Variants in NPHP4 observed in about 807,000 individuals in gnomAD.
NPHP4 encodes the protein nephrocystin 4.
A neutral mutation model predicts 155.8 loss-of-function variants in NPHP4; 151 were observed. The ratio of observed to expected loss-of-function variants is 0.97; its 90% CI spans 0.85 to 1.11. NPHP4 has a LOEUF of 1.11. NPHP4 is among the 50% of genes least tolerant of loss of function. The probability of loss-of-function intolerance (pLI) is 0.00; values close to 1 mark genes in which losing one functional copy is unlikely to be tolerated. For missense variants in NPHP4, 1,956 were observed against 1,925.7 expected (o/e 1.02, Z -0.29); for synonymous variants, 845 against 816.8 (o/e 1.03, Z -0.59).
At chr1:5,879,203 G>A in intron 19 of NPHP4, 1 of 226,800 alleles carries the variant, frequency 4.4e-6, no homozygotes, top group East Asian at 1.2e-4. Context: ...ACAGCTCCAA[G>A]GCCCAGCAAC....
At chr1:5,919,450 AT>A (rs1645629272) in intron 11 of NPHP4, among the ~76,000 whole-genome samples, 1 of 152,126 alleles carries the variant, frequency 6.6e-6, no homozygotes, top group South Asian at 2.1e-4. Context: ...TACCTCACGT[AT>A]TTGGTAGTTT....
rs575908813 is a variant in NPHP4 at position 5,864,939 on chromosome 1, C to T, written c.3816+163G>A. 3.2e-5 allele frequency: 21 copies of T among 663,996 alleles called. No homozygotes were observed. The Admixed American group carries it at 3.4e-4, about 11-fold the overall frequency. 41.1% of individuals were successfully genotyped at this position (663,996 alleles called of 1,614,324 possible). A position where few individuals can be genotyped will look rare whatever the true frequency, so the allele number is the denominator to read the frequency against. ...ACTCACCCCACAATGGCACATCTAA[C>T]GAAAGGCAACTGCCGAGAGGCCTCT... On this transcript the variant is annotated intron_variant, in intron 27 of 29. Transcript: ENST00000378156.
intron 7 of NPHP4, among the ~76,000 whole-genome samples, chr1:5,951,100 C>T (rs750959264): frequency 2.0e-5 from 3 of 152,150 alleles, no homozygotes; most frequent in Non-Finnish European, 4.4e-5. Flanking sequence ...GGCGGTAGAA[C>T]CAGAACAGAA....
intron 28 of NPHP4, 122 bp downstream of exon 28, chr1:5,864,216 C>CAGCAG: frequency 8.6e-7 from 1 of 1,158,772 alleles, no homozygotes; most frequent in Non-Finnish European, 1.2e-6. Context: ...CTCATGCACC[C>CAGCAG]GGCCCTGCTG....
intron 1 of NPHP4, 112 bp downstream of exon 1, chr1:5,992,132 C>T (rs1252249105): frequency 1.3e-5 from 2 of 152,284 alleles, no homozygotes; most frequent in Non-Finnish European, 2.9e-5. Flanking sequence ...ACCACCCTAC[C>T]CCCGAACCCC....
At chr1:5,909,058 C>G (rs1214953949) in intron 12 of NPHP4, 94 bp downstream of exon 12, 1 of 1,056,332 alleles carries the variant, frequency 9.5e-7, no homozygotes, top group Non-Finnish European at 1.4e-6. Flanking sequence ...CAGAAGCACG[C>G]AGGGATCCAC....
At chr1:5,962,987 A>T (rs778671802) in intron 5 of NPHP4, among the ~76,000 whole-genome samples, 10 of 152,250 alleles carry the variant, frequency 6.6e-5, no homozygotes, top group Non-Finnish European at 1.3e-4. Flanking sequence ...ACGTGGTCTC[A>T]GGCGGCTCAA....
chr1:5,903,790 A>G (rs1223161700), intron 16 of NPHP4, among the ~76,000 whole-genome samples: 2 of 152,232 alleles, frequency 1.3e-5, no homozygotes, highest in Non-Finnish European at 2.9e-5. Context: ...CAGCTAACAA[A>G]CAAGGGAGGT....
chr1:5,868,872 G>GC (rs1159813222), intron 23 of NPHP4, among the ~76,000 whole-genome samples: 1 of 91,708 alleles, frequency 1.1e-5, no homozygotes, highest in Non-Finnish European at 2.1e-5. Context: ...ATGCACACAT[G>GC]CCCCCACACG....
chr1:5,975,405 A>G (rs781424117), intron 3 of NPHP4, among the ~76,000 whole-genome samples: 2 of 152,178 alleles, frequency 1.3e-5, no homozygotes, highest in Non-Finnish European at 2.9e-5. Flanking sequence ...GGCTCCATGA[A>G]TAGCACGGGG....
chr1:5,907,092 G>A, intron 13 of NPHP4, 23 bp downstream of exon 13: 1 of 1,365,368 alleles, frequency 7.3e-7, no homozygotes, highest in Non-Finnish European at 9.9e-7. Context: ...TGGAAGGCAA[G>A]GCGGCAGGTG....
intron 23 of NPHP4, 106 bp from the exon 24 acceptor site, chr1:5,868,002 C>CA (rs1641438483): frequency 8.2e-7 from 1 of 1,220,986 alleles, no homozygotes; most frequent in South Asian, 1.3e-5. Flanking sequence ...AAGACCCCCT[C>CA]ACCCTCCACT....
intron 1 of NPHP4, among the ~76,000 whole-genome samples, chr1:5,991,848 G>C (rs1174414537): frequency 2.0e-5 from 3 of 151,362 alleles, no homozygotes; most frequent in Non-Finnish European, 3.0e-5. Context: ...GGATGCGCGC[G>C]GACTAGGGCG....
chr1:5,964,855 A>G (rs1474977949), intron 5 of NPHP4, among the ~76,000 whole-genome samples: 1 of 145,574 alleles, frequency 6.9e-6, no homozygotes, highest in Admixed American at 6.9e-5. Context: ...ATATGTATAT[A>G]TTTTATATAT....
intron 22 of NPHP4, chr1:5,873,550 G>A (rs1326259626): frequency 2.9e-5 from 17 of 593,098 alleles, no homozygotes; most frequent in East Asian, 1.4e-4. Flanking sequence ...GTGGAAACCC[G>A]GCTCTGCCTG....
At chr1:5,912,602 T>C (rs963023596) in intron 11 of NPHP4, among the ~76,000 whole-genome samples, 1 of 150,780 alleles carries the variant, frequency 6.6e-6, no homozygotes, top group Non-Finnish European at 1.5e-5. Flanking sequence ...TGTATACGGG[T>C]GTGCTGGCAA....
intron 20 of NPHP4, among the ~76,000 whole-genome samples, chr1:5,875,693 T>C (rs527931111): frequency 6.6e-6 from 1 of 152,324 alleles, no homozygotes; most frequent in African/African-American, 2.4e-5. Context: ...GTTTTTCCTG[T>C]GGGACTTACA....
chr1:5,902,213 T>C lies in NPHP4; in HGVS notation c.2143+2404A>G, dbSNP rs545041020. 6.6e-5 allele frequency among the ~76,000 whole-genome samples: 10 copies of C among 152,296 alleles called. No homozygotes were observed. In the East Asian group the frequency reaches 1.7e-3, roughly 26 times the overall value. ...GGCTGCTCACTCCTCCTCCCCACTCTCTTCTTTTCAGATCTGCCCACAGGA... is the reference window on the plus strand; with the variant it reads ...GGCTGCTCACTCCTCCTCCCCACTCCCTTCTTTTCAGATCTGCCCACAGGA... On this transcript the variant is annotated intron_variant, in intron 16 of 29. Transcript: ENST00000378156.
At chr1:5,961,682 A>G in intron 6 of NPHP4, 112 bp downstream of exon 6, 1 of 970,740 alleles carries the variant, frequency 1.0e-6, no homozygotes, top group South Asian at 1.4e-5. Context: ...GCTGAGCTGC[A>G]GAGGGGCGCT....
Sources: gnomAD v4.1 joint callset for allele counts (sites outside exome capture counted in the v4.1 genomes callset) on GRCh38, gnomAD v4.1.1 for gene constraint, MANE v1.5 for transcripts, NCBI Gene and HGNC (gene_info 2026-07-23, HGNC 2026-07-21) for gene names.